The following KCNMB2 variants were observed in gnomAD, a reference collection of about 807,000 sequenced individuals.
KCNMB2 encodes the protein calcium-activated potassium channel subunit beta-2.
A neutral mutation model predicts 24.5 loss-of-function variants in KCNMB2; 9 were observed. The ratio of observed to expected loss-of-function variants is 0.37; its 90% CI spans 0.22 to 0.64. The LOEUF is 0.64. Among genes scored for constraint, KCNMB2 ranks in the 30% least tolerant of loss-of-function variants. The probability of loss-of-function intolerance (pLI) is 0.63; values close to 1 mark genes in which losing one functional copy is unlikely to be tolerated. For missense variants in KCNMB2, 226 were observed against 284.3 expected (o/e 0.79, Z 1.47); for synonymous variants, 109 against 104.4 (o/e 1.04, Z -0.27).
At chr3:178,745,336 C>G (rs1723628823) in intron 1 of KCNMB2, among the ~76,000 whole-genome samples, 1 of 152,120 alleles carries the variant, frequency 6.6e-6, no homozygotes, top group African/African-American at 2.4e-5. Context: ...TAGGAGAACT[C>G]CCCCTTATAA....
intron 1 of KCNMB2, among the ~76,000 whole-genome samples, chr3:178,743,659 C>T (rs751497014): frequency 6.6e-6 from 1 of 152,070 alleles, no homozygotes; most frequent in African/African-American, 2.4e-5. Flanking sequence ...GTAGAGTGTT[C>T]TGATAGCAAA....
intron 4 of KCNMB2, among the ~76,000 whole-genome samples, chr3:178,833,324 C>A (rs1715110731): frequency 6.6e-6 from 1 of 152,130 alleles, no homozygotes; most frequent in South Asian, 2.1e-4. Flanking sequence ...TGGGCTCTCA[C>A]CCCTCTTCCA....
intron 1 of KCNMB2, among the ~76,000 whole-genome samples, chr3:178,756,009 T>C (rs1210636410): frequency 6.6e-6 from 1 of 152,160 alleles, no homozygotes; most frequent in African/African-American, 2.4e-5. Flanking sequence ...TTACAAACTT[T>C]CTTGCTGAAA....
chr3:178,764,679 G>C (rs546191292), intron 1 of KCNMB2, among the ~76,000 whole-genome samples: 4 of 152,280 alleles, frequency 2.6e-5, no homozygotes, highest in African/African-American at 7.2e-5. Flanking sequence ...TCATTATTTT[G>C]AGTACTAATG....
intron 1 of KCNMB2, among the ~76,000 whole-genome samples, chr3:178,783,496 G>A (rs928195757): frequency 1.1e-3 from 163 of 151,022 alleles, no homozygotes; most frequent in African/African-American, 3.7e-3. Context: ...TCTCCTTGAA[G>A]AGGTCCTTCA....
chr3:178,751,199 T>C (rs1383346326), intron 1 of KCNMB2, among the ~76,000 whole-genome samples: 2 of 152,194 alleles, frequency 1.3e-5, no homozygotes, highest in African/African-American at 4.8e-5. Context: ...GGCTTTCTTT[T>C]AGGTTCCAAG....
Position 178,813,983 on chromosome 3 carries a change from T to TTGC in KCNMB2, c.56+6530_56+6532dup, listed in dbSNP as rs777105352. 8.6e-4 allele frequency among the ~76,000 whole-genome samples: 109 copies of TTGC among 127,412 alleles called. 1 individual carries two copies. The highest frequency in any genetic ancestry group is 3.5e-3 in the East Asian group (18 of 5,134). 83.6% of individuals were successfully genotyped at this position (127,412 alleles called of 152,430 possible). A position where few individuals can be genotyped will look rare whatever the true frequency, so the allele number is the denominator to read the frequency against. ...GTTGTTGTTGTTGTTGTTGTTGTTG[T>TTGC]TGCTGCTGCTGCTGTTGTTTTTCTA... On this transcript the variant is annotated intron_variant, in intron 2 of 4. Transcript: ENST00000452583.
intron 1 of KCNMB2, among the ~76,000 whole-genome samples, chr3:178,733,571 C>T (rs1689705771): frequency 6.6e-6 from 1 of 152,156 alleles, no homozygotes; most frequent in African/African-American, 2.4e-5. Context: ...ACCTCCACCT[C>T]CCAGGTTCAA....
At chr3:178,617,653 G>A (rs1302078223) in intron 1 of KCNMB2, among the ~76,000 whole-genome samples, 2 of 151,986 alleles carry the variant, frequency 1.3e-5, no homozygotes, top group Non-Finnish European at 2.9e-5. Context: ...ACTTTGGGAG[G>A]CCAAGGCAGG....
chr3:178,654,464 G>C (rs1482530124), intron 1 of KCNMB2, among the ~76,000 whole-genome samples: 2 of 152,006 alleles, frequency 1.3e-5, no homozygotes, highest in East Asian at 3.8e-4. Flanking sequence ...CAACTCAAAG[G>C]ATAAATAGAG....
chr3:178,662,986 A>G (rs1560154417), intron 1 of KCNMB2, among the ~76,000 whole-genome samples: 2 of 152,132 alleles, frequency 1.3e-5, no homozygotes, highest in South Asian at 2.1e-4. Context: ...TTTGTTCCCA[A>G]TTCTTTTGGT....
chr3:178,732,592 G>A (rs536045598), intron 1 of KCNMB2, among the ~76,000 whole-genome samples: 15 of 152,274 alleles, frequency 9.9e-5, no homozygotes, highest in Admixed American at 9.2e-4. Context: ...TCCAAGGTAC[G>A]AAAAGGCTGT....
At chr3:178,665,136 T>C (rs1437119970) in intron 1 of KCNMB2, among the ~76,000 whole-genome samples, 2 of 152,114 alleles carry the variant, frequency 1.3e-5, no homozygotes, top group Admixed American at 6.6e-5. Flanking sequence ...TTAAGAGGAA[T>C]CTTTTCATGT....
chr3:178,757,650 G>T (rs1402082243), intron 1 of KCNMB2, among the ~76,000 whole-genome samples: 1 of 41,464 alleles, frequency 2.4e-5, no homozygotes, highest in East Asian at 5.7e-4. Flanking sequence ...ATATCCAAGA[G>T]GATATATATA....
intron 1 of KCNMB2, among the ~76,000 whole-genome samples, chr3:178,698,015 T>C (rs746421437): frequency 1.3e-5 from 2 of 152,216 alleles, no homozygotes; most frequent in Non-Finnish European, 2.9e-5. Flanking sequence ...CAGAACTTTC[T>C]CTCTAGCTGC....
At chr3:178,684,860 G>A (rs1721406835) in intron 1 of KCNMB2, among the ~76,000 whole-genome samples, 1 of 152,118 alleles carries the variant, frequency 6.6e-6, no homozygotes. Context: ...GTGTTATTTT[G>A]CTTCATTATA....
Position 178,828,364 on chromosome 3 carries a change from C to A in KCNMB2, c.414C>A (p.Ile138=). Residue 138 remains isoleucine, a synonymous_variant, in exon 4 of 5, where the codon ATC becomes ATA. Transcript: ENST00000452583. The part of the protein sequence containing the change: ...LLYHTEETIK[I]NQKCSYIPKC... ...ACCACACAGAAGAGACAATAAAAAT[C>A]AATCAGAAGGTAGGAACTTGGCGTA... 6.2e-7 allele frequency: 1 copy of A among 1,612,730 alleles called. No individual in the cohort carries two copies. The highest frequency in any genetic ancestry group is 1.1e-5 in the South Asian group (1 of 90,910).
At chr3:178,606,598 T>C (rs188377863) in intron 1 of KCNMB2, among the ~76,000 whole-genome samples, 60 of 152,160 alleles carry the variant, frequency 3.9e-4, no homozygotes, top group Admixed American at 7.9e-4. Flanking sequence ...GGATGAATCA[T>C]ACCTTGAGTC....
intron 1 of KCNMB2, among the ~76,000 whole-genome samples, chr3:178,704,173 T>C (rs1252649277): frequency 3.3e-5 from 5 of 152,072 alleles, no homozygotes; most frequent in South Asian, 2.1e-4. Context: ...ATTGTAAAAA[T>C]TGACATGCCC....
Sources: gnomAD v4.1 joint callset for allele counts (sites outside exome capture counted in the v4.1 genomes callset) on GRCh38, gnomAD v4.1.1 for gene constraint, MANE v1.5 for transcripts, NCBI Gene and HGNC (gene_info 2026-07-23, HGNC 2026-07-21) for gene names.